The following MACROD2 variants were observed in gnomAD, a reference collection of about 807,000 sequenced individuals.
The protein encoded by MACROD2 is mono-ADP ribosylhydrolase 2, also known as ADP-ribose glycohydrolase MACROD2.
MACROD2 carries 36 observed loss-of-function variants against 70.4 expected under a neutral mutation model. The ratio of observed to expected loss-of-function variants is 0.51; its 90% CI spans 0.39 to 0.68. MACROD2 has a LOEUF of 0.68. Ranked by LOEUF, MACROD2 falls within the 30% of genes least tolerant of loss-of-function variation. MACROD2 has a pLI of 0.00. For missense variants in MACROD2, 496 were observed against 538.4 expected, an observed-to-expected ratio of 0.92 and a Z score of 0.78; for synonymous variants, 172 against 178.8, an observed-to-expected ratio of 0.96 and a Z score of 0.30.
At chr20:15,308,573 A>G (rs2077720902) in intron 6 of MACROD2, among the ~76,000 whole-genome samples, 1 of 152,212 alleles carries the variant, frequency 6.6e-6, no homozygotes, top group Non-Finnish European at 1.5e-5. Context: ...GTTAAAGATG[A>G]AGGTCATTCA....
At chr20:15,183,541 G>A (rs758318125) in intron 5 of MACROD2, among the ~76,000 whole-genome samples, 21 of 151,782 alleles carry the variant, frequency 1.4e-4, no homozygotes, top group African/African-American at 4.6e-4. Flanking sequence ...TATTGCACTC[G>A]GATAGTTATT....
chr20:15,205,330 C>T lies in MACROD2; in HGVS notation c.419-24610C>T, dbSNP rs551063046. ...GAACTTTGGAAGAAGGATGATCATA[C>T]TGTTAAAGTGTGAGTCCAAGTAAAC... On this transcript the variant is annotated intron_variant, in intron 5 of 17. Coordinates refer to ENST00000684519, the MANE Select transcript of MACROD2 (RefSeq NM_001351661.2). Among the ~76,000 whole-genome samples the T allele has an allele frequency of 2.6e-5, 4 of 152,184 alleles. No homozygotes were observed. In the East Asian group the frequency reaches 5.8e-4, roughly 22 times the overall value.
intron 5 of MACROD2, among the ~76,000 whole-genome samples, chr20:14,980,526 G>T (rs1485865646): frequency 6.6e-6 from 1 of 152,110 alleles, no homozygotes; most frequent in African/African-American, 2.4e-5. Context: ...ACTAAGACAC[G>T]CCCTACAGGT....
intron 2 of MACROD2, among the ~76,000 whole-genome samples, chr20:14,015,727 CAT>C (rs1463739767): frequency 2.0e-5 from 3 of 152,194 alleles, no homozygotes; most frequent in African/African-American, 7.2e-5. Flanking sequence ...GGAATCATAA[CAT>C]GTTTATCTTT....
chr20:14,669,533 A>G (rs1395338163), intron 4 of MACROD2, among the ~76,000 whole-genome samples: 1 of 152,178 alleles, frequency 6.6e-6, no homozygotes, highest in Admixed American at 6.6e-5. Context: ...AAATTAGGAG[A>G]AGAGATTCTA....
At chr20:15,417,026 C>G (rs960377159) in intron 6 of MACROD2, among the ~76,000 whole-genome samples, 2 of 152,162 alleles carry the variant, frequency 1.3e-5, no homozygotes, top group East Asian at 3.9e-4. Flanking sequence ...GTTGAGAGAA[C>G]ATGCCGACAC....
At chr20:14,882,688 G>A (rs1028398200) in intron 5 of MACROD2, among the ~76,000 whole-genome samples, 7 of 152,166 alleles carry the variant, frequency 4.6e-5, no homozygotes, top group Admixed American at 6.5e-5. Flanking sequence ...GCAGAAAGGC[G>A]TTCAGACCGT....
intron 15 of MACROD2, among the ~76,000 whole-genome samples, chr20:16,040,313 A>G (rs1350563783): frequency 1.3e-5 from 2 of 151,904 alleles, no homozygotes; most frequent in African/African-American, 4.8e-5. Flanking sequence ...TCTCATCAAT[A>G]GGCACATGAA....
At chr20:14,173,682 T>G (rs987379028) in intron 3 of MACROD2, among the ~76,000 whole-genome samples, 5 of 152,180 alleles carry the variant, frequency 3.3e-5, no homozygotes, top group Non-Finnish European at 7.3e-5. Context: ...TTTGGGAGTG[T>G]TAAAGAACCT....
intron 3 of MACROD2, among the ~76,000 whole-genome samples, chr20:14,237,068 A>G (rs2081881640): frequency 6.6e-6 from 1 of 152,108 alleles, no homozygotes; most frequent in Non-Finnish European, 1.5e-5. Flanking sequence ...CTGGATGGTT[A>G]GTCTTCTTCA....
Position 15,435,266 on chromosome 20 carries a change from C to T in MACROD2, c.571+3831C>T, listed in dbSNP as rs565835344. 2.6e-5 allele frequency among the ~76,000 whole-genome samples: 4 copies of T among 152,168 alleles called. No individual in the cohort carries two copies. The East Asian group carries it at 5.8e-4, about 22-fold the overall frequency. ...AAAACACATTTTCCAATACAGTAGA[C>T]ATAACTTAAAAATATTCAAGTATCT... On this transcript the variant is annotated intron_variant, in intron 7 of 17. Transcript: ENST00000684519.
chr20:14,809,301 C>T (rs2040772422), intron 5 of MACROD2, among the ~76,000 whole-genome samples: 1 of 152,108 alleles, frequency 6.6e-6, no homozygotes, highest in Non-Finnish European at 1.5e-5. Flanking sequence ...CACACAATTA[C>T]ATGGAAACTG....
chr20:15,604,244 A>C (rs1368858399), intron 8 of MACROD2, among the ~76,000 whole-genome samples: 1 of 152,236 alleles, frequency 6.6e-6, no homozygotes, highest in Non-Finnish European at 1.5e-5. Context: ...GGAAGGATTG[A>C]TCAAATGAGC....
At chr20:14,118,305 CAG>C (rs1236575813) in intron 3 of MACROD2, among the ~76,000 whole-genome samples, 5 of 152,124 alleles carry the variant, frequency 3.3e-5, no homozygotes, top group East Asian at 1.9e-4. Flanking sequence ...AGGCATTAAA[CAG>C]GGTATTGTTG....
At chr20:14,988,485 C>G (rs553637309) in intron 5 of MACROD2, among the ~76,000 whole-genome samples, 2 of 152,088 alleles carry the variant, frequency 1.3e-5, no homozygotes, top group South Asian at 4.2e-4. Flanking sequence ...TTTGCAGAGG[C>G]ATTTGACTCT....
chr20:15,537,839 G>A (rs548356471), intron 8 of MACROD2, among the ~76,000 whole-genome samples: 32 of 152,216 alleles, frequency 2.1e-4, no homozygotes, highest in South Asian at 1.7e-3. Context: ...TGGCTCCCAT[G>A]CTAGATCACG....
intron 5 of MACROD2, chr20:14,884,272 A>G (rs903098068): frequency 7.2e-5 from 11 of 152,250 alleles, no homozygotes; most frequent in Admixed American, 1.3e-4. Flanking sequence ...AACAATTGCA[A>G]TTATTTATTT....
At chr20:15,038,371 C>G (rs1479925095) in intron 5 of MACROD2, among the ~76,000 whole-genome samples, 1 of 152,150 alleles carries the variant, frequency 6.6e-6, no homozygotes, top group Non-Finnish European at 1.5e-5. Flanking sequence ...ATGAGGTCTT[C>G]TGGTTGTAAA....
rs113227358 is a variant in MACROD2, at chr20:16,025,720, T to C, written c.1154-15481T>C. ...GGTGCTCAAGAAAACCATAAAGCCT[T>C]GTGCTGCCTCATTTTTAGAATCTGT... is the stretch of plus-strand genomic sequence containing the variant. On this transcript the variant is annotated intron_variant, in intron 15 of 17. Coordinates refer to ENST00000684519, the MANE Select transcript of MACROD2 (RefSeq NM_001351661.2). Among the ~76,000 whole-genome samples, 524 of 152,312 alleles carry C rather than the reference T, an allele frequency of 3.4e-3. 6 individuals carry two copies. Among genetic ancestry groups the C allele is most frequent in the African/African-American group, 0.012 (504 of 41,568 alleles).
Sources: allele counts gnomAD v4.1 joint callset (sites outside exome capture counted in the v4.1 genomes callset), GRCh38; gene constraint gnomAD v4.1.1; transcripts MANE v1.5; gene names NCBI Gene and HGNC (gene_info 2026-07-23, HGNC 2026-07-21).